Variants in EDAR observed in about 807,000 individuals in gnomAD.
The protein encoded by EDAR is tumor necrosis factor receptor superfamily member EDAR.
A neutral mutation model predicts 51.3 loss-of-function variants in EDAR; 38 were observed. The ratio of observed to expected loss-of-function variants is 0.74; its 90% CI spans 0.57 to 0.97. The LOEUF (loss-of-function observed/expected upper bound fraction) is 0.97. Ranked by LOEUF, EDAR falls within the 50% of genes least tolerant of loss-of-function variation. The pLI, the probability that EDAR is intolerant of heterozygous loss-of-function variation, is 0.00. For synonymous variants in EDAR, 227 were observed against 242.1 expected (o/e 0.94, Z 0.58); for missense variants, 528 against 595.0 (o/e 0.89, Z 1.17).
intron 9 of EDAR, among the ~76,000 whole-genome samples, chr2:108,909,813 A>G (rs1696883001): frequency 6.6e-6 from 1 of 152,194 alleles, no homozygotes; most frequent in African/African-American, 2.4e-5. Context: ...CACCTGCCAA[A>G]TCTCCTCCTC....
chr2:108,948,318 C>T (rs1335710934), intron 1 of EDAR, among the ~76,000 whole-genome samples: 1 of 152,204 alleles, frequency 6.6e-6, no homozygotes, highest in Non-Finnish European at 1.5e-5. Flanking sequence ...CCAAACGTTC[C>T]CATGTCTTCC....
At chr2:108,972,586 T>C (rs1391822314) in intron 1 of EDAR, among the ~76,000 whole-genome samples, 2 of 152,254 alleles carry the variant, frequency 1.3e-5, no homozygotes, top group Non-Finnish European at 2.9e-5. Flanking sequence ...TGCCTTGCCC[T>C]GCACGCCAAG....
intron 1 of EDAR, among the ~76,000 whole-genome samples, chr2:108,948,044 C>T (rs574765771): frequency 6.6e-6 from 1 of 152,260 alleles, no homozygotes; most frequent in Non-Finnish European, 1.5e-5. Context: ...TCAGAAAAAG[C>T]CAGGTCACAT....
At chr2:108,962,768 G>A (rs1209243392) in intron 1 of EDAR, among the ~76,000 whole-genome samples, 7 of 149,686 alleles carry the variant, frequency 4.7e-5, no homozygotes, top group Admixed American at 1.3e-4. Context: ...TGACACCATC[G>A]CACACACACC....
chr2:108,937,308 G>A (rs576254635), intron 1 of EDAR, among the ~76,000 whole-genome samples: 78 of 152,358 alleles, frequency 5.1e-4, no homozygotes, highest in Non-Finnish European at 9.8e-4. Flanking sequence ...GGTGGGCTGT[G>A]TCCCTGCATT....
At chr2:108,988,423 C>A (rs1284882049) in intron 1 of EDAR, among the ~76,000 whole-genome samples, 10 of 152,134 alleles carry the variant, frequency 6.6e-5, no homozygotes, top group Non-Finnish European at 1.3e-4. Context: ...AATAGGTACC[C>A]ACTCCCCTCC....
chr2:108,958,434 CA>C (rs980091084), intron 1 of EDAR, among the ~76,000 whole-genome samples: 1 of 151,052 alleles, frequency 6.6e-6, no homozygotes, highest in Non-Finnish European at 1.5e-5. Context: ...AAACAAAAAA[CA>C]AAAAAAACCC....
chr2:108,907,480 T>C (rs1696831879), intron 10 of EDAR, among the ~76,000 whole-genome samples: 1 of 151,996 alleles, frequency 6.6e-6, no homozygotes, highest in South Asian at 2.1e-4. Flanking sequence ...ACCTCGTCTC[T>C]ACTAAAATAT....
At chr2:108,929,495 G>C in intron 3 of EDAR, 116 bp from the exon 4 acceptor site, 1 of 1,147,532 alleles carries the variant, frequency 8.7e-7, no homozygotes, top group East Asian at 2.4e-5. Flanking sequence ...TACTCTTGCC[G>C]GGCCTTGGTT....
In EDAR at chr2:108,930,105, G is replaced by A. The variant is rs1297458791; in HGVS notation, c.174+15C>T. The A allele has an allele frequency of 6.2e-7, 1 of 1,611,030 alleles. No homozygotes were observed. The highest frequency in any genetic ancestry group is 8.5e-7 in the Non-Finnish European group (1 of 1,178,284). ...CCTGAGAGCGCACCAGGCTCCAGGA[G>A]GGCTGGGTCCTTACCAGGTAGGGCT... On this transcript the variant is annotated intron_variant, in intron 3 of 11. Coordinates refer to ENST00000258443, the MANE Select transcript of EDAR (RefSeq NM_022336.4).
intron 1 of EDAR, among the ~76,000 whole-genome samples, chr2:108,955,430 T>C (rs1282795578): frequency 6.6e-6 from 1 of 152,222 alleles, no homozygotes; most frequent in Non-Finnish European, 1.5e-5. Flanking sequence ...CAGTCCCTTA[T>C]TTGTAGAGAC....
chr2:108,977,363 G>A (rs1330086533), intron 1 of EDAR, among the ~76,000 whole-genome samples: 2 of 152,258 alleles, frequency 1.3e-5, no homozygotes, highest in Middle Eastern at 6.8e-3. Flanking sequence ...GCGCCTCCCG[G>A]GTTCACGCCA....
At chr2:108,921,074 C>A (rs1324860342) in intron 5 of EDAR, among the ~76,000 whole-genome samples, 1 of 152,208 alleles carries the variant, frequency 6.6e-6, no homozygotes, top group Non-Finnish European at 1.5e-5. Flanking sequence ...TCATAAGAAA[C>A]CCCCAGGGTG....
chr2:108,900,024 TTA>T (rs1696669886), intron 11 of EDAR, among the ~76,000 whole-genome samples: 1 of 152,074 alleles, frequency 6.6e-6, no homozygotes, highest in Admixed American at 6.5e-5. Flanking sequence ...GACTGATAAG[TTA>T]TATGTGTCAA....
chr2:108,907,478 T>G (rs1696831818), intron 10 of EDAR, among the ~76,000 whole-genome samples: 2 of 151,990 alleles, frequency 1.3e-5, no homozygotes, highest in East Asian at 3.9e-4. Context: ...AAACCTCGTC[T>G]CTACTAAAAT....
At chr2:108,953,092 G>A (rs532152088) in intron 1 of EDAR, among the ~76,000 whole-genome samples, 8 of 152,224 alleles carry the variant, frequency 5.3e-5, no homozygotes, top group Non-Finnish European at 8.8e-5. Context: ...ATCATGAAAA[G>A]TGGGGTATCC....
At chr2:108,914,400 A>G (rs2105410253) in intron 5 of EDAR, among the ~76,000 whole-genome samples, 1 of 152,306 alleles carries the variant, frequency 6.6e-6, no homozygotes, top group South Asian at 2.1e-4. Flanking sequence ...TTCCTCAGAC[A>G]TGTTTTTACA....
intron 1 of EDAR, among the ~76,000 whole-genome samples, chr2:108,939,344 A>G (rs572435488): frequency 2.0e-4 from 31 of 151,946 alleles, no homozygotes; most frequent in African/African-American, 7.2e-4. Flanking sequence ...GCGCCACCAC[A>G]CTTGGCTAAT....
At chr2:108,942,874 T>G (rs1283355645) in intron 1 of EDAR, among the ~76,000 whole-genome samples, 1 of 152,138 alleles carries the variant, frequency 6.6e-6, no homozygotes, top group Non-Finnish European at 1.5e-5. Context: ...CGGGTAGGAT[T>G]TTTGTTTGTT....
Sources: gnomAD v4.1 joint callset for allele counts (sites outside exome capture counted in the v4.1 genomes callset) on GRCh38, gnomAD v4.1.1 for gene constraint, MANE v1.5 for transcripts, NCBI Gene and HGNC (gene_info 2026-07-23, HGNC 2026-07-21) for gene names.